Variants in FAM53A observed in about 807,000 individuals in gnomAD.
FAM53A encodes family with sequence similarity 53 member A.
A neutral mutation model predicts 26.6 loss-of-function variants in FAM53A; 28 were observed. That is an observed-to-expected ratio of 1.05 (90% confidence interval 0.78 to 1.45). The LOEUF (loss-of-function observed/expected upper bound fraction) is 1.45. Ranked by LOEUF, FAM53A falls within the 40% of genes most tolerant of loss-of-function variation. FAM53A has a pLI of 0.00. For missense variants in FAM53A, 650 were observed against 575.8 expected (o/e 1.13, Z -1.32); for synonymous variants, 290 against 253.1 (o/e 1.15, Z -1.38).
At chr4:1,629,425 C>T (rs1478203017) in intron 1 of FAM53A, among the ~76,000 whole-genome samples, 1 of 152,226 alleles carries the variant, frequency 6.6e-6, no homozygotes, top group Non-Finnish European at 1.5e-5. Context: ...CTAGGGTGGC[C>T]CGAGTCAGTC....
chr4:1,626,948 C>T (rs1276996305), intron 1 of FAM53A, among the ~76,000 whole-genome samples: 2 of 152,136 alleles, frequency 1.3e-5, no homozygotes, highest in Non-Finnish European at 2.9e-5. Flanking sequence ...AGGGTGGGGG[C>T]CTGGCCTGGA....
the FAM53A span, among the ~76,000 whole-genome samples, chr4:1,577,744 T>C: frequency 3.3e-5 from 5 of 152,232 alleles, no homozygotes; most frequent in Non-Finnish European, 7.3e-5. Context: ...GACTCTGTAC[T>C]TTTTATGCCG....
At chr4:1,637,957 C>T (rs1288927776), downstream of FAM53A, among the ~76,000 whole-genome samples, 2 of 151,486 alleles carry the variant, frequency 1.3e-5, no homozygotes, top group African/African-American at 2.4e-5. Flanking sequence ...CCCAGAGGGC[C>T]CTGGGACCCC....
At chr4:1,628,963 G>C (rs564793439) in intron 1 of FAM53A, among the ~76,000 whole-genome samples, 2 of 151,958 alleles carry the variant, frequency 1.3e-5, no homozygotes, top group African/African-American at 2.4e-5. Context: ...TTCTCCCCTG[G>C]GGCCCTGTGT....
chr4:1,620,333 G>A (rs1009751620), intron 1 of FAM53A, among the ~76,000 whole-genome samples: 3 of 151,960 alleles, frequency 2.0e-5, no homozygotes, highest in Admixed American at 6.6e-5. Flanking sequence ...CCCCTCCTCC[G>A]CAGACATCCC....
At chr4:1,605,817 G>T in the FAM53A span, among the ~76,000 whole-genome samples, 3 of 152,134 alleles carry the variant, frequency 2.0e-5, no homozygotes, top group African/African-American at 7.2e-5. This position sits in a 1 kb window ranked among gnomAD's most constrained non-coding sequence, Gnocchi z 5.7. Context: ...CTTCTTCCCA[G>T]GAGTCCTGGT....
chr4:1,639,650 G>A (rs560561784), downstream of FAM53A, among the ~76,000 whole-genome samples: 59 of 152,236 alleles, frequency 3.9e-4, no homozygotes, highest in Non-Finnish European at 7.6e-4. Flanking sequence ...ACTCCCCAGC[G>A]CCATCCCCCG....
At chr4:1,582,202 T>C in the FAM53A span, among the ~76,000 whole-genome samples, 1 of 152,254 alleles carries the variant, frequency 6.6e-6, no homozygotes, top group Admixed American at 6.5e-5. Context: ...CAGCGTTTAC[T>C]ACTGATATGA....
At chr4:1,627,818 C>T (rs1298431605) in intron 1 of FAM53A, among the ~76,000 whole-genome samples, 2 of 151,916 alleles carry the variant, frequency 1.3e-5, no homozygotes, top group Non-Finnish European at 2.9e-5. Flanking sequence ...GGCAGCCCCT[C>T]CAGAGGTCAT....
downstream of FAM53A, among the ~76,000 whole-genome samples, chr4:1,638,365 C>T (rs1243358623): frequency 1.3e-5 from 2 of 152,130 alleles, no homozygotes; most frequent in Non-Finnish European, 2.9e-5. Flanking sequence ...GTCTCCCCAC[C>T]CGCAGAGGAC....
intron 4 of FAM53A, among the ~76,000 whole-genome samples, chr4:1,648,942 A>C (rs201962170): frequency 6.6e-6 from 1 of 152,146 alleles, no homozygotes; most frequent in East Asian, 1.9e-4. Flanking sequence ...GTGAAACCCC[A>C]TCTCTACTAA....
At chr4:1,642,673 C>T (rs1037473992) in intron 4 of FAM53A, among the ~76,000 whole-genome samples, 1 of 151,810 alleles carries the variant, frequency 6.6e-6, no homozygotes, top group Non-Finnish European at 1.5e-5. Context: ...GCCCCCACCC[C>T]CCGCCACCTC....
the FAM53A span, among the ~76,000 whole-genome samples, chr4:1,609,860 G>C: frequency 6.6e-6 from 1 of 152,122 alleles, no homozygotes; most frequent in African/African-American, 2.4e-5. Flanking sequence ...CTACTCGGGA[G>C]GCTAAGGTGG....
intron 4 of FAM53A, among the ~76,000 whole-genome samples, chr4:1,647,943 C>T (rs1002941824): frequency 3.9e-5 from 6 of 152,198 alleles, no homozygotes; most frequent in Admixed American, 1.3e-4. Flanking sequence ...GGCCTGGTGG[C>T]GCACGCCTGC....
the FAM53A span, among the ~76,000 whole-genome samples, chr4:1,577,957 G>T: frequency 6.6e-6 from 1 of 151,540 alleles, no homozygotes; most frequent in Non-Finnish European, 1.5e-5. Context: ...GGCTGTGGGG[G>T]TGCTGCCCGG....
At chr4:1,614,177 C>T (rs1714722730), downstream of FAM53A, among the ~76,000 whole-genome samples, 1 of 152,174 alleles carries the variant, frequency 6.6e-6, no homozygotes, top group African/African-American at 2.4e-5. Flanking sequence ...GGATTGGGGC[C>T]TGCAGGCTGC....
the FAM53A span, among the ~76,000 whole-genome samples, chr4:1,598,983 C>T: frequency 1.3e-5 from 2 of 152,276 alleles, no homozygotes; most frequent in Non-Finnish European, 2.9e-5. Flanking sequence ...CTCTCTGTAG[C>T]GTGCGCAGGG....
chr4:1,653,794 G>A (rs971652878), intron 4 of FAM53A, among the ~76,000 whole-genome samples: 5 of 152,234 alleles, frequency 3.3e-5, no homozygotes, highest in African/African-American at 4.8e-5. Context: ...TAGGACTAGC[G>A]TCCTGGAGGA....
chr4:1,615,927 G>A (rs865952534), downstream of FAM53A, among the ~76,000 whole-genome samples: 6 of 152,188 alleles, frequency 3.9e-5, no homozygotes, highest in African/African-American at 7.2e-5. Context: ...TGTGGATGGC[G>A]ATGTTTCAGA....
Sources: allele counts gnomAD v4.1 joint callset (sites outside exome capture counted in the v4.1 genomes callset), GRCh38; gene constraint gnomAD v4.1.1; non-coding constraint Gnocchi (gnomAD v3.1); transcripts MANE v1.5; gene names NCBI Gene and HGNC (gene_info 2026-07-23, HGNC 2026-07-21).